The following SLC6A9 variants were observed in gnomAD, a reference collection of about 807,000 sequenced individuals.
SLC6A9 encodes sodium- and chloride-dependent glycine transporter 1.
A neutral mutation model predicts 70.9 loss-of-function variants in SLC6A9; 31 were observed. The observed-to-expected ratio is 0.44, with a 90% CI of 0.33 to 0.59. The LOEUF is 0.59. Ranked by LOEUF, SLC6A9 falls within the 20% of genes least tolerant of loss-of-function variation. The probability of loss-of-function intolerance (pLI) is 0.04; values close to 1 mark genes in which losing one functional copy is unlikely to be tolerated. For missense variants in SLC6A9, 631 were observed against 845.2 expected, an observed-to-expected ratio of 0.75 and a Z score of 3.14; for synonymous variants, 310 against 341.3, an observed-to-expected ratio of 0.91 and a Z score of 1.01.
chr1:44,001,060 G>C lies in SLC6A9; in HGVS notation c.1336-5C>G, dbSNP rs200039393. The C allele has an allele frequency of 1.3e-6, 2 of 1,590,870 alleles. No homozygotes were observed. Among genetic ancestry groups the C allele is most frequent in the Non-Finnish European group, 1.7e-6 (2 of 1,166,846 alleles). On this transcript the variant is annotated splice_polypyrimidine_tract_variant and splice_region_variant and intron_variant, in intron 10 of 13. Coordinates refer to ENST00000372310, the MANE Select transcript of SLC6A9 (RefSeq NM_001024845.3). ...CAGCAGCCAATAGATGCCTGCCTGGGGAACAGCGGGCAGCTGTGGGAGGCG... is the reference window on the plus strand; with the variant it reads ...CAGCAGCCAATAGATGCCTGCCTGGCGAACAGCGGGCAGCTGTGGGAGGCG...
chr1:44,024,203 G>A, intron 2 of SLC6A9, 45 bp downstream of exon 2: 1 of 1,598,784 alleles, frequency 6.3e-7, no homozygotes, highest in Non-Finnish European at 8.6e-7. Flanking sequence ...TGGGGGCAGG[G>A]CTTGGGACTC....
At chr1:44,016,909 G>T in intron 2 of SLC6A9, 2 of 828,266 alleles carry the variant, frequency 2.4e-6, no homozygotes, top group Non-Finnish European at 3.6e-6. Context: ...GGTCACTTTG[G>T]CTGGTGTCTG....
At chr1:44,016,334 C>T (rs1232038683) in intron 2 of SLC6A9, 1 of 152,388 alleles carries the variant, frequency 6.6e-6, no homozygotes, top group African/African-American at 2.4e-5. Flanking sequence ...GAGGGCAGCC[C>T]TGCGTACTGT....
In SLC6A9 at chr1:43,997,518, G is replaced by A; in HGVS notation, c.*27C>T. The A allele has an allele frequency of 1.3e-6, 2 of 1,596,556 alleles. No homozygotes were observed. The highest frequency in any genetic ancestry group is 2.2e-5 in the East Asian group (1 of 44,770). On this transcript the variant is annotated 3_prime_UTR_variant, in exon 14 of 14. Coordinates refer to ENST00000372310, the MANE Select transcript of SLC6A9 (RefSeq NM_001024845.3). This position sits in a 1 kb window ranked among gnomAD's most constrained non-coding sequence, Gnocchi z 4.4. Reference sequence around the variant, plus strand: ...TCTGCGGTGGGAGCACGGGGTGGGGGTGGGGCCACTCCCCTGGCAGCTGTG... The same window carrying A: ...TCTGCGGTGGGAGCACGGGGTGGGGATGGGGCCACTCCCCTGGCAGCTGTG...
Position 44,011,362 on chromosome 1 carries a change from A to G in SLC6A9, c.31-480T>C, listed in dbSNP as rs562178689. 2.4e-3 allele frequency among the ~76,000 whole-genome samples: 369 copies of G among 152,024 alleles called. 2 individuals are homozygous for G. The highest frequency in any genetic ancestry group is 8.7e-3 in the African/African-American group (360 of 41,462). On this transcript the variant is annotated intron_variant, in intron 2 of 13. Transcript: ENST00000372310. ...TGAGCACGCTGCCCCTGGGCAGGCG[A>G]CTGCGGGGGAGGGGAGGTTAGACCC...
chr1:44,025,424 T>A (rs1465030817), intron 1 of SLC6A9, among the ~76,000 whole-genome samples: 4 of 150,726 alleles, frequency 2.7e-5, no homozygotes, highest in African/African-American at 4.9e-5. Flanking sequence ...GAGAAATCCA[T>A]CTTCAGACAG....
At chr1:44,024,716 C>T (rs897000614) in intron 1 of SLC6A9, among the ~76,000 whole-genome samples, 3 of 152,250 alleles carry the variant, frequency 2.0e-5, no homozygotes, top group Admixed American at 6.5e-5. Flanking sequence ...GGGGAATCAG[C>T]TCAGATCAGC....
rs201141647 is a variant in SLC6A9 at position 43,997,776 on chromosome 1, C to G, written c.1708-37G>C. On this transcript the variant is annotated intron_variant, in intron 13 of 13. Coordinates refer to ENST00000372310, the MANE Select transcript of SLC6A9 (RefSeq NM_001024845.3). The surrounding 1 kb of genome is among the most constrained non-coding windows in gnomAD (Gnocchi z 4.4). ...AGGCATGGGGCACAGGGGCAGGGCA[C>G]GTCAGGAGGGAGCCCTTAAGCCCCT... 47 of 1,592,708 alleles carry G rather than the reference C, an allele frequency of 3.0e-5. No homozygotes were observed. Among genetic ancestry groups the G allele is most frequent in the Non-Finnish European group, 3.3e-5 (39 of 1,167,668 alleles).
chr1:44,024,114 A>G lies in SLC6A9; in HGVS notation c.30+134T>C, dbSNP rs113608254. The G allele has an allele frequency of 0.011, 10,114 of 887,110 alleles. 649 individuals are homozygous for G. The African/African-American group carries it at 0.14, about 13-fold the overall frequency. The allele number at this position is 887,110 out of a possible 1,614,324, so 55.0% of individuals were successfully genotyped here. A position where few individuals can be genotyped will look rare whatever the true frequency, so the allele number is the denominator to read the frequency against. On this transcript the variant is annotated intron_variant, in intron 2 of 13. Transcript: ENST00000372310. The stretch of plus-strand genomic sequence containing the variant: ...CTGCTAGATGAGGGGCTACCTGCCC[A>G]GGCCGGGGTCAGCTGGGCACTCAGG...
At chr1:44,017,311 A>T (rs2086784740) in intron 2 of SLC6A9, 2 of 1,424,342 alleles carry the variant, frequency 1.4e-6, no homozygotes, top group Non-Finnish European at 1.8e-6. Flanking sequence ...CCGGAGCTGG[A>T]GTGGGGTGTG....
At chr1:44,007,951 C>T (rs775877612) in intron 5 of SLC6A9, among the ~76,000 whole-genome samples, 1 of 149,678 alleles carries the variant, frequency 6.7e-6, no homozygotes, top group Non-Finnish European at 1.5e-5. Context: ...AGTGCAGTGG[C>T]GCGATCTCAG....
At chr1:44,023,652 T>TC (rs1557695747) in intron 2 of SLC6A9, among the ~76,000 whole-genome samples, 3 of 151,144 alleles carry the variant, frequency 2.0e-5, no homozygotes, top group Non-Finnish European at 1.5e-5. Flanking sequence ...TCAAAAAAAT[T>TC]AAAAAAAATA....
rs201886904 is a variant in SLC6A9 at position 44,024,244 on chromosome 1, T to G, written c.30+4A>C. ...CCTTCCCGCAGTCTGGCCTCTGTAC[T>G]CACCAGCATCCCTTTGGCACCTTTT... On this transcript the variant is annotated splice_donor_region_variant and intron_variant, in intron 2 of 13. Transcript: ENST00000372310. The G allele has an allele frequency of 7.4e-6, 12 of 1,614,208 alleles. No homozygotes were observed. The highest frequency in any genetic ancestry group is 9.3e-6 in the Non-Finnish European group (11 of 1,180,002).
chr1:44,003,682 A>C lies in SLC6A9; in HGVS notation c.591-697T>G, dbSNP rs1571858501. Among the ~76,000 whole-genome samples, 3 of 134,184 alleles carry C rather than the reference A, an allele frequency of 2.2e-5. No homozygotes were observed. The Admixed American group carries it at 2.6e-4, about 12-fold the overall frequency. 88.0% of individuals were successfully genotyped at this position (134,184 alleles called of 152,430 possible). ...AGAACTGCTTGAACCCAGGAGGTGG[A>C]GGTTGCAGGGAGTGGAGATTGTGCC... On this transcript the variant is annotated intron_variant, in intron 5 of 13. Coordinates refer to ENST00000372310, the MANE Select transcript of SLC6A9 (RefSeq NM_001024845.3).
chr1:44,006,586 CAAAAAAAAAA>C (rs34759206), intron 5 of SLC6A9, among the ~76,000 whole-genome samples: 12 of 67,604 alleles, frequency 1.8e-4, no homozygotes, highest in Admixed American at 6.6e-4. Flanking sequence ...GATTCTGTCT[CAAAAAAAAAA>C]AAAAAAAAAA....
In SLC6A9 at chr1:44,002,730, CCCCTGGT is replaced by C; in HGVS notation, c.724-91_724-85del. The C allele has an allele frequency of 1.9e-6, 3 of 1,593,964 alleles. No individual in the cohort carries two copies. Among genetic ancestry groups the C allele is most frequent in the East Asian group, 2.2e-5 (1 of 44,710 alleles). Reference sequence around the variant, plus strand: ...CCCTGGCTCCCTAATCACCACCAGCCCCCTGGTCCCTCTCCGGCTCCGGAGTCCCTTC... The same window carrying C: ...CCCTGGCTCCCTAATCACCACCAGCCCCCTCTCCGGCTCCGGAGTCCCTTC... On this transcript the variant is annotated intron_variant, in intron 6 of 13. Coordinates refer to ENST00000372310, the MANE Select transcript of SLC6A9 (RefSeq NM_001024845.3). This position sits in a 1 kb window ranked among gnomAD's most constrained non-coding sequence, Gnocchi z 5.5.
chr1:44,001,019 C>T lies in SLC6A9; in HGVS notation c.1372G>A (p.Ala458Thr). Residue 458 changes from alanine to threonine, a missense_variant, in exon 11 of 14, where the codon GCG (alanine) becomes ACG (threonine). Physicochemically the swap from Ala to Thr is moderately conservative, Grantham distance 58. Transcript: ENST00000372310. ...IYWLLLMDNY[A>T]ASFSLVVISC... is the part of the protein sequence containing the mutation. Reference sequence around the variant, plus strand: ...ATGACCACCAAGGAGAAGCTGGCCGCATAGTTGTCCATCAGCAGCAGCCAA... The same window carrying T: ...ATGACCACCAAGGAGAAGCTGGCCGTATAGTTGTCCATCAGCAGCAGCCAA... 1 of 1,580,650 alleles carries T rather than the reference C, an allele frequency of 6.3e-7. No individual in the cohort carries two copies. Among genetic ancestry groups the T allele is most frequent in the Non-Finnish European group, 8.6e-7 (1 of 1,161,806 alleles).
intron 2 of SLC6A9, chr1:44,011,517 T>C: frequency 6.3e-7 from 1 of 1,579,320 alleles, no homozygotes; most frequent in Non-Finnish European, 8.7e-7. Context: ...TCCGGGGAGC[T>C]AGCTACACTG....
At chr1:44,016,774 TAC>T (rs2154306822) in intron 2 of SLC6A9, among the ~76,000 whole-genome samples, 1 of 152,208 alleles carries the variant, frequency 6.6e-6, no homozygotes, top group South Asian at 2.1e-4. Flanking sequence ...GCAGCTTTGA[TAC>T]ACAGAGCAGA....
Sources: gnomAD v4.1 joint callset for allele counts (sites outside exome capture counted in the v4.1 genomes callset) on GRCh38, gnomAD v4.1.1 for gene constraint, Gnocchi (gnomAD v3.1) non-coding constraint, MANE v1.5 for transcripts, NCBI Gene and HGNC (gene_info 2026-07-23, HGNC 2026-07-21) for gene names.